The following DPH6 variants were observed in gnomAD, a reference collection of about 807,000 sequenced individuals.
DPH6 encodes diphthamine biosynthesis 6.
Under a neutral mutation model 38.2 loss-of-function variants are expected in DPH6, and 33 were observed. The ratio of observed to expected loss-of-function variants is 0.86; its 90% confidence interval spans 0.65 to 1.15. The LOEUF (loss-of-function observed/expected upper bound fraction) is 1.15, where lower values mean the gene tolerates loss of function less well. DPH6 is among the 50% of genes most tolerant of loss of function. DPH6 has a pLI of 0.00. For missense variants in DPH6, 325 were observed against 320.0 expected (o/e 1.02, Z -0.12); for synonymous variants, 108 against 103.0 (o/e 1.05, Z -0.30).
chr15:35,278,042 A>G (rs1356327303), intron 3 of DPH6, among the ~76,000 whole-genome samples: 1 of 152,218 alleles, frequency 6.6e-6, no homozygotes, highest in Non-Finnish European at 1.5e-5. Context: ...CCACTTGCTA[A>G]AGAGACTAGC....
Position 35,372,203 on chromosome 15 carries a change from C to T in DPH6, c.751G>A (p.Val251Met), listed in dbSNP as rs780431810. Residue 251 changes from valine to methionine, a missense_variant and splice_region_variant, in exon 9 of 9, where the codon GTG becomes ATG. By Grantham distance (21) the Val-to-Met change is conservative. Transcript: ENST00000256538. ...RFLELHLEDK[V>M]SSVPDNYRTS... The stretch of plus-strand genomic sequence containing the variant: ...CTGTAGTTGTCAGGCACTGAGGACA[C>T]CTAAAAAAAAAAGGGAAGGAAAGGG... 1.5e-5 allele frequency: 22 copies of T among 1,456,842 alleles called. No homozygotes were observed. In the African/African-American group the frequency reaches 3.0e-4, roughly 20 times the overall value. 90.2% of individuals were successfully genotyped at this position (1,456,842 alleles called of 1,614,324 possible). A position where few individuals can be genotyped will look rare whatever the true frequency, so the allele number is the denominator to read the frequency against.
intron 8 of DPH6, 130 bp from the exon 9 acceptor site, chr15:35,372,333 A>G (rs1244997561): frequency 1.4e-5 from 11 of 771,352 alleles, no homozygotes; most frequent in Non-Finnish European, 2.0e-5. Flanking sequence ...TTCAGGTAAC[A>G]GTATTGCTTC....
the DPH6 span, among the ~76,000 whole-genome samples, chr15:35,178,896 C>T: frequency 3.3e-4 from 50 of 152,032 alleles, no homozygotes; most frequent in African/African-American, 1.2e-3. Flanking sequence ...ACCTAGTACC[C>T]AATAAGTGCT....
At chr15:35,294,822 G>A (rs946426589) in intron 3 of DPH6, among the ~76,000 whole-genome samples, 1 of 152,196 alleles carries the variant, frequency 6.6e-6, no homozygotes. Context: ...GGAGGCCACT[G>A]GAGTGAGGGA....
At position 35,264,084 on chromosome 15, in the gene DPH6, G is replaced by T. The variant is rs938325068; in HGVS notation, n.201-43502C>A. Among the ~76,000 whole-genome samples, 10 of 131,886 alleles carry T rather than the reference G, an allele frequency of 7.6e-5. No homozygotes were observed. The Admixed American group carries it at 7.9e-4, about 10-fold the overall frequency. 86.5% of individuals were successfully genotyped at this position (131,886 alleles called of 152,430 possible). A position where few individuals can be genotyped will look rare whatever the true frequency, so the allele number is the denominator to read the frequency against. On this transcript the variant is annotated intron_variant and non_coding_transcript_variant, in intron 3 of 3. Coordinates refer to the DPH6 transcript ENST00000560386. Reference sequence around the variant, plus strand: ...TTCACACAGAAAATTCACTCATATGGATTTAAGCCTTGTTTTTTTTTTTAA... The same window carrying T: ...TTCACACAGAAAATTCACTCATATGTATTTAAGCCTTGTTTTTTTTTTTAA...
At chr15:35,328,162 GT>G (rs2052300302), downstream of DPH6, among the ~76,000 whole-genome samples, 1 of 152,060 alleles carries the variant, frequency 6.6e-6, no homozygotes, top group Non-Finnish European at 1.5e-5. Context: ...AAAAGGTAGA[GT>G]CTATCATAGC....
chr15:35,156,116 T>C, the DPH6 span, among the ~76,000 whole-genome samples: 11 of 138,414 alleles, frequency 7.9e-5, 1 homozygote, highest in Non-Finnish European at 1.6e-4. Context: ...AGGAAAACCA[T>C]AATACATTTT....
chr15:35,250,242 T>C (rs1011588276), intron 3 of DPH6, among the ~76,000 whole-genome samples: 1 of 151,916 alleles, frequency 6.6e-6, no homozygotes, highest in Non-Finnish European at 1.5e-5. Context: ...ATATAAGATA[T>C]ACCCTAATGG....
chr15:35,237,994 G>A, intron 3 of DPH6: 1 of 1,482,690 alleles, frequency 6.7e-7, no homozygotes. Flanking sequence ...ATGAAGAAGA[G>A]CTCCGTGAAG....
At chr15:35,336,995 T>C (rs1231598902) in intron 3 of DPH6, among the ~76,000 whole-genome samples, 2 of 152,114 alleles carry the variant, frequency 1.3e-5, no homozygotes, top group Admixed American at 1.3e-4. Context: ...CTTTTTCTAT[T>C]GATTGGAATA....
intron 3 of DPH6, among the ~76,000 whole-genome samples, chr15:35,337,955 G>A (rs955854126): frequency 3.3e-5 from 5 of 151,846 alleles, no homozygotes; most frequent in Admixed American, 1.3e-4. Flanking sequence ...TTAATAAATG[G>A]TGCTGGGAAA....
intron 3 of DPH6, among the ~76,000 whole-genome samples, chr15:35,309,516 T>C (rs767479925): frequency 3.9e-5 from 6 of 152,210 alleles, no homozygotes; most frequent in Admixed American, 6.5e-5. Context: ...TGTGAAACTT[T>C]CCTTCTTAGA....
intron 3 of DPH6, among the ~76,000 whole-genome samples, chr15:35,320,827 C>A (rs748239639): frequency 9.9e-5 from 15 of 152,108 alleles, no homozygotes; most frequent in Non-Finnish European, 1.8e-4. Flanking sequence ...TTTCTTCTGT[C>A]ATTTCAATGG....
intron 3 of DPH6, among the ~76,000 whole-genome samples, chr15:35,236,819 A>G (rs1406325805): frequency 1.3e-5 from 2 of 152,156 alleles, no homozygotes; most frequent in African/African-American, 4.8e-5. Context: ...CTTTAATTCA[A>G]TCTGTAATCT....
intron 5 of DPH6, among the ~76,000 whole-genome samples, chr15:35,424,375 A>G (rs947525362): frequency 6.6e-6 from 1 of 151,460 alleles, no homozygotes; most frequent in Admixed American, 6.6e-5. Context: ...TTATTTGCAT[A>G]TAGAAATGCT....
At chr15:35,491,244 C>T (rs2054473268) in intron 3 of DPH6, among the ~76,000 whole-genome samples, 1 of 151,644 alleles carries the variant, frequency 6.6e-6, no homozygotes, top group Admixed American at 6.6e-5. Context: ...AAAAATTATA[C>T]AATAAGGACA....
chr15:35,337,719 G>A (rs954530589), intron 3 of DPH6, among the ~76,000 whole-genome samples: 15 of 152,158 alleles, frequency 9.9e-5, no homozygotes, highest in African/African-American at 9.6e-5. Flanking sequence ...AGCCTGCATC[G>A]CCAAGTCAAT....
intron 3 of DPH6, among the ~76,000 whole-genome samples, chr15:35,493,538 A>G (rs2054510957): frequency 6.6e-6 from 1 of 152,222 alleles, no homozygotes; most frequent in Non-Finnish European, 1.5e-5. Context: ...AGAATGGGAC[A>G]TTCAGAGATA....
At chr15:35,184,374 G>A in the DPH6 span, among the ~76,000 whole-genome samples, 3 of 152,130 alleles carry the variant, frequency 2.0e-5, no homozygotes, top group Non-Finnish European at 2.9e-5. Context: ...TGCATATTCT[G>A]AGCATTCTGA....
Sources: allele counts gnomAD v4.1 joint callset (sites outside exome capture counted in the v4.1 genomes callset), GRCh38; gene constraint gnomAD v4.1.1; transcripts MANE v1.5; gene names NCBI Gene and HGNC (gene_info 2026-07-23, HGNC 2026-07-21).